TSPAN15: variants seen among roughly 807,000 people sequenced by gnomAD.
TSPAN15 encodes the protein tetraspanin 15.
TSPAN15 carries 20 observed loss-of-function variants against 34.5 expected under a neutral mutation model. That is an observed-to-expected ratio of 0.58 (90% CI 0.41 to 0.84). The LOEUF is 0.84. TSPAN15 is among the 40% of genes least tolerant of loss of function. TSPAN15 has a pLI of 0.00. For missense variants in TSPAN15, 313 were observed against 386.1 expected, an observed-to-expected ratio of 0.81 and a Z score of 1.59; for synonymous variants, 155 against 153.9, an observed-to-expected ratio of 1.01 and a Z score of -0.05.
intron 1 of TSPAN15, among the ~76,000 whole-genome samples, chr10:69,455,148 CAA>C (rs60463263): frequency 1.1e-4 from 9 of 82,466 alleles, no homozygotes; most frequent in East Asian, 8.6e-4. Context: ...GTGACAGTCT[CAA>C]AAAAAAAAAA....
intron 1 of TSPAN15, among the ~76,000 whole-genome samples, chr10:69,460,131 T>G (rs571618714): frequency 6.6e-6 from 1 of 152,140 alleles, no homozygotes; most frequent in East Asian, 2.0e-4. Context: ...TCAGCCTGCC[T>G]AGAACAGATG....
At chr10:69,547,256 A>C in the TSPAN15 span, among the ~76,000 whole-genome samples, 6 of 151,754 alleles carry the variant, frequency 4.0e-5, no homozygotes, top group Non-Finnish European at 5.9e-5. Flanking sequence ...CTTGCTCTTC[A>C]TCTTCCATGT....
intron 1 of TSPAN15, among the ~76,000 whole-genome samples, chr10:69,475,828 T>G (rs992826083): frequency 2.4e-4 from 37 of 152,274 alleles, no homozygotes; most frequent in African/African-American, 8.9e-4. Context: ...GTTAGATGTC[T>G]TTCTCCAGCT....
chr10:69,468,856 G>C lies in TSPAN15; in HGVS notation c.97-14835G>C, dbSNP rs555597370. 7.8e-4 allele frequency among the ~76,000 whole-genome samples: 118 copies of C among 152,214 alleles called. 1 individual carries two copies. The South Asian group carries it at 0.023, about 30-fold the overall frequency. ...GACATTCCTGTGTTGTAAGAAATAT[G>C]TTTGTTCTTTGTCCCCAGTTCCTGG... On this transcript the variant is annotated intron_variant, in intron 1 of 7. Coordinates refer to ENST00000373290, the MANE Select transcript of TSPAN15 (RefSeq NM_012339.5).
Position 69,506,217 on chromosome 10 carries a change from C to T in TSPAN15, c.712C>T (p.Leu238Phe), listed in dbSNP as rs746691092. The change falls in exon 7 of 8, where the codon CTC becomes TTC. Residue 238 changes from leucine (L) to phenylalanine (F), a missense_variant. Physicochemically the swap from Leu to Phe is conservative, Grantham distance 22 (BLOSUM62 0). Transcript: ENST00000373290. The surrounding 1 kb of genome is among the most constrained non-coding windows in gnomAD (Gnocchi z 4.7). ...CAACTACACCATCATGGCGGGCATC[C>T]TCCTGGGCATCCTGCTTCCCCAGGT... ...MDNYTIMAGI[L>F]LGILLPQFLG... 2 of 1,614,176 alleles carry T rather than the reference C, an allele frequency of 1.2e-6. No individual in the cohort carries two copies.
At chr10:69,510,779 G>A (rs1328406122), downstream of TSPAN15, among the ~76,000 whole-genome samples, 3 of 152,250 alleles carry the variant, frequency 2.0e-5, no homozygotes, top group South Asian at 4.1e-4. Context: ...AGAGTTTTTA[G>A]CATGAAGGGG....
intron 1 of TSPAN15, among the ~76,000 whole-genome samples, chr10:69,467,162 C>T (rs1489646638): frequency 6.6e-6 from 1 of 152,192 alleles, no homozygotes; most frequent in African/African-American, 2.4e-5. Context: ...TTCTCCCTTC[C>T]CCCAGGCCTC....
intron 3 of TSPAN15, chr10:69,494,581 C>A: frequency 1.0e-6 from 1 of 955,502 alleles, no homozygotes; most frequent in Non-Finnish European, 1.2e-6. Flanking sequence ...TCTCAGAGCT[C>A]GAAGTTACCT....
At chr10:69,496,339 A>C (rs1292733004) in intron 4 of TSPAN15, among the ~76,000 whole-genome samples, 1 of 146,850 alleles carries the variant, frequency 6.8e-6, no homozygotes, top group African/African-American at 2.5e-5. Context: ...TAATAATAAT[A>C]ATAATAATAA....
intron 1 of TSPAN15, among the ~76,000 whole-genome samples, chr10:69,458,083 T>A (rs142253259): frequency 6.6e-6 from 1 of 152,286 alleles, no homozygotes; most frequent in Non-Finnish European, 1.5e-5. Context: ...GCTGCCTGAC[T>A]CCAGTTTCTT....
rs186421058 is a variant in TSPAN15 at position 69,484,075 on chromosome 10, G to C, written c.282+199G>C. The C allele has an allele frequency of 9.0e-4, 471 of 524,144 alleles. 2 individuals are homozygous for C. Among genetic ancestry groups the C allele is most frequent in the African/African-American group, 7.7e-3 (410 of 53,386 alleles). The allele number at this position is 524,144 out of a possible 1,614,324, so 32.5% of individuals were successfully genotyped here. A position where few individuals can be genotyped will look rare whatever the true frequency, so the allele number is the denominator to read the frequency against. On this transcript the variant is annotated intron_variant, in intron 2 of 7. Transcript: ENST00000373290. ...CCCTCCTGCATGTAAAAGCTGATTT[G>C]AATACTGTTCTTACTTAAACTCTGT...
chr10:69,475,155 G>A (rs1841590077), intron 1 of TSPAN15, among the ~76,000 whole-genome samples: 1 of 152,148 alleles, frequency 6.6e-6, no homozygotes, highest in Admixed American at 6.5e-5. Flanking sequence ...GGGTGGAGAT[G>A]AAGTTGCTCT....
intron 1 of TSPAN15, among the ~76,000 whole-genome samples, chr10:69,467,349 G>A (rs961480765): frequency 6.6e-6 from 1 of 152,174 alleles, no homozygotes; most frequent in Non-Finnish European, 1.5e-5. Flanking sequence ...CCAGACCCAG[G>A]CCTCTGGTGA....
In TSPAN15 at chr10:69,506,679, T is replaced by C; in HGVS notation, c.736-150T>C. On this transcript the variant is annotated intron_variant, in intron 7 of 7. Transcript: ENST00000373290. This position sits in a 1 kb window ranked among gnomAD's most constrained non-coding sequence, Gnocchi z 4.7. Reference sequence around the variant, plus strand: ...GGAGCTTCTTGGGCAGTGTGGGTGCTGGGAGAAGTCTCTGCTGTGGGTGTT... The same window carrying C: ...GGAGCTTCTTGGGCAGTGTGGGTGCCGGGAGAAGTCTCTGCTGTGGGTGTT... 1.3e-6 allele frequency: 1 copy of C among 768,014 alleles called. No individual in the cohort carries two copies. The highest frequency in any genetic ancestry group is 2.1e-6 in the Non-Finnish European group (1 of 476,190). 47.6% of individuals were successfully genotyped at this position (768,014 alleles called of 1,614,324 possible). A position where few individuals can be genotyped will look rare whatever the true frequency, so the allele number is the denominator to read the frequency against.
At chr10:69,525,820 CA>C in the TSPAN15 span, among the ~76,000 whole-genome samples, 24 of 115,758 alleles carry the variant, frequency 2.1e-4, 2 homozygotes, top group East Asian at 4.0e-4. Flanking sequence ...GACTCTGTCT[CA>C]AAAAAAAAAA....
intron 1 of TSPAN15, among the ~76,000 whole-genome samples, chr10:69,482,322 G>A (rs1016741684): frequency 2.0e-5 from 3 of 152,224 alleles, no homozygotes; most frequent in African/African-American, 7.2e-5. Context: ...CAAAGGCCCT[G>A]GGGTGAGCAC....
chr10:69,543,425 A>C, the TSPAN15 span, among the ~76,000 whole-genome samples: 1 of 152,164 alleles, frequency 6.6e-6, no homozygotes, highest in East Asian at 1.9e-4. Flanking sequence ...GGAGGGATGC[A>C]CTTAAAATCA....
At chr10:69,526,153 A>G in the TSPAN15 span, among the ~76,000 whole-genome samples, 4 of 147,800 alleles carry the variant, frequency 2.7e-5, 1 homozygote, top group Middle Eastern at 3.4e-3. Context: ...CAGATATTGA[A>G]GAGATGAAAA....
chr10:69,482,759 G>A (rs1008461929), intron 1 of TSPAN15, among the ~76,000 whole-genome samples: 5 of 152,070 alleles, frequency 3.3e-5, no homozygotes, highest in African/African-American at 9.7e-5. Flanking sequence ...GCTGGGGCTC[G>A]AACCCATGTT....
Sources: gnomAD v4.1 joint callset for allele counts (sites outside exome capture counted in the v4.1 genomes callset) on GRCh38, gnomAD v4.1.1 for gene constraint, Gnocchi (gnomAD v3.1) non-coding constraint, MANE v1.5 for transcripts, NCBI Gene and HGNC (gene_info 2026-07-23, HGNC 2026-07-21) for gene names.